The following FAM20A variants were observed in gnomAD, a reference collection of about 807,000 sequenced individuals.
FAM20A encodes FAM20A golgi associated secretory pathway pseudokinase.
FAM20A carries 42 observed loss-of-function variants against 52.0 expected under a neutral mutation model. The ratio of observed to expected loss-of-function variants is 0.81; its 90% CI spans 0.63 to 1.04. The LOEUF is 1.04. Ranked by LOEUF, FAM20A falls within the 50% of genes least tolerant of loss-of-function variation. The probability of loss-of-function intolerance (pLI) is 0.00; values close to 1 mark genes in which losing one functional copy is unlikely to be tolerated. For missense variants in FAM20A, 742 were observed against 712.7 expected (o/e 1.04, Z -0.47); for synonymous variants, 304 against 298.9 (o/e 1.02, Z -0.18).
intron 3 of FAM20A, among the ~76,000 whole-genome samples, chr17:68,552,161 C>T (rs1247569761): frequency 1.3e-5 from 2 of 151,788 alleles, no homozygotes; most frequent in African/African-American, 4.8e-5. Flanking sequence ...GTACTTTTTA[C>T]TTTGGGAGGT....
chr17:68,537,327 G>A lies in FAM20A; in HGVS notation c.*150C>T. ...AAGGAGTAAAGATTCAGTTCCATGG[G>A]CCCCACTTGCTGTTTGAGAAAATGT... On this transcript the variant is annotated 3_prime_UTR_variant, in exon 11 of 11. Coordinates refer to ENST00000592554, the MANE Select transcript of FAM20A (RefSeq NM_017565.4). The surrounding 1 kb of genome is among the most constrained non-coding windows in gnomAD (Gnocchi z 4.2). 1.0e-6 allele frequency: 1 copy of A among 958,734 alleles called. No individual in the cohort carries two copies. Among genetic ancestry groups the A allele is most frequent in the Non-Finnish European group, 1.6e-6 (1 of 614,580 alleles). The allele number at this position is 958,734 out of a possible 1,614,324, so 59.4% of individuals were successfully genotyped here.
chr17:68,563,233 A>C (rs776923565), intron 1 of FAM20A, among the ~76,000 whole-genome samples: 3 of 151,930 alleles, frequency 2.0e-5, no homozygotes, highest in Non-Finnish European at 2.9e-5. Flanking sequence ...TAAAAATACA[A>C]AAATTAGCCG....
chr17:68,541,869 C>T, intron 7 of FAM20A, 116 bp downstream of exon 7: 3 of 1,241,934 alleles, frequency 2.4e-6, no homozygotes, highest in East Asian at 4.7e-5. Flanking sequence ...TGAAATGGGG[C>T]AAAGGAGTAT....
Position 68,539,376 on chromosome 17 carries a change from T to G in FAM20A, c.1322A>C (p.Asp441Ala). Residue 441 changes from aspartate (D) to alanine (A), a missense_variant, in exon 10 of 11, where the codon GAT (aspartate) becomes GCT (alanine). By Grantham distance (126) the Asp-to-Ala change is moderately radical. Transcript: ENST00000592554. ...NARGFGRHSH[D>A]EISILSPLSQ... ...GAGAGGCGAGAGGATGGAGATTTCA[T>G]CATGGGAGTGTCGTCCGAACCTAGG... 6.2e-7 allele frequency: 1 copy of G among 1,614,202 alleles called. No individual in the cohort carries two copies. The highest frequency in any genetic ancestry group is 8.5e-7 in the Non-Finnish European group (1 of 1,180,034).
At chr17:68,553,215 C>G (rs949890218) in intron 3 of FAM20A, among the ~76,000 whole-genome samples, 6 of 152,138 alleles carry the variant, frequency 3.9e-5, no homozygotes, top group African/African-American at 1.2e-4. Flanking sequence ...TCCTCTCTCT[C>G]CTGCCACCAT....
chr17:68,554,484 A>G (rs1465995437), intron 3 of FAM20A, among the ~76,000 whole-genome samples: 1 of 152,166 alleles, frequency 6.6e-6, no homozygotes, highest in African/African-American at 2.4e-5. Context: ...TTTTCTTAAG[A>G]TTCAGATTCT....
rs1294183071 is a variant in FAM20A, at chr17:68,537,582, C to A, written c.1521G>T (p.Arg507Ser). 2 of 1,613,506 alleles carry A rather than the reference C, an allele frequency of 1.2e-6. No individual in the cohort carries two copies. Among genetic ancestry groups the A allele is most frequent in the East Asian group, 4.5e-5 (2 of 44,868 alleles). The change falls in exon 11 of 11, where the codon AGG (arginine) becomes AGT (serine). Residue 507 changes from arginine (R) to serine (S), a missense_variant. Coordinates refer to ENST00000592554, the MANE Select transcript of FAM20A (RefSeq NM_017565.4). The surrounding 1 kb of genome is among the most constrained non-coding windows in gnomAD (Gnocchi z 4.2). ...ALDRRLQTIL[R>S]TVEGCIVAHG... ...GGGCCACTATGCACCCCTCCACTGT[C>A]CTTAGGATGGTTTGGAGCCTTCGAT...
At chr17:68,581,504 T>TTTCTTTCTTTCTTTTTCTTTCTTTC (rs1568775135) in intron 1 of FAM20A, among the ~76,000 whole-genome samples, 4 of 83,946 alleles carry the variant, frequency 4.8e-5, no homozygotes, top group Non-Finnish European at 6.5e-5. Context: ...TTCTTTCTTC[T>TTTCTTTCTTTCTTTTTCTTTCTTTC]TTCTCTTTCT....
At chr17:68,556,776 A>T (rs1025687099) in intron 1 of FAM20A, among the ~76,000 whole-genome samples, 2 of 152,080 alleles carry the variant, frequency 1.3e-5, no homozygotes, top group Admixed American at 1.3e-4. Flanking sequence ...TCTGGCTGGG[A>T]AAAGCTGATT....
At chr17:68,563,266 A>T (rs1342623403) in intron 1 of FAM20A, among the ~76,000 whole-genome samples, 4 of 151,874 alleles carry the variant, frequency 2.6e-5, no homozygotes, top group Admixed American at 2.6e-4. Flanking sequence ...GGCGCCTGTA[A>T]TCCCAGCTAC....
intron 1 of FAM20A, among the ~76,000 whole-genome samples, chr17:68,591,418 C>A (rs898623440): frequency 1.6e-4 from 24 of 152,212 alleles, no homozygotes; most frequent in African/African-American, 4.6e-4. Flanking sequence ...CTTTTTAATG[C>A]TGTGAGGGCA....
chr17:68,554,321 G>A (rs1237743244), intron 3 of FAM20A, among the ~76,000 whole-genome samples: 1 of 151,992 alleles, frequency 6.6e-6, no homozygotes, highest in African/African-American at 2.4e-5. Flanking sequence ...GGCTGGTCTC[G>A]AACTCCTGAC....
intron 1 of FAM20A, among the ~76,000 whole-genome samples, chr17:68,570,028 C>CAAG (rs2087495547): frequency 6.6e-6 from 1 of 152,212 alleles, no homozygotes; most frequent in African/African-American, 2.4e-5. Flanking sequence ...TCTGTTTCTG[C>CAAG]TTAACCCTTG....
At chr17:68,596,932 C>T (rs1434393870) in intron 1 of FAM20A, among the ~76,000 whole-genome samples, 4 of 152,160 alleles carry the variant, frequency 2.6e-5, no homozygotes, top group African/African-American at 9.7e-5. Flanking sequence ...GCTTCAGGGC[C>T]AGATAGCACA....
chr17:68,567,901 T>C (rs1192954897), intron 1 of FAM20A, among the ~76,000 whole-genome samples: 3 of 151,962 alleles, frequency 2.0e-5, no homozygotes, highest in African/African-American at 4.9e-5. Context: ...CCTGCCACCT[T>C]GTGAAGAAGG....
chr17:68,590,930 GC>G (rs11357976), intron 1 of FAM20A, among the ~76,000 whole-genome samples: 74,624 of 151,836 alleles, frequency 0.49, 18,651 homozygotes, highest in East Asian at 0.53. Context: ...CCCAGACCTG[GC>G]CCAATGAGCA....
intron 1 of FAM20A, among the ~76,000 whole-genome samples, chr17:68,581,281 C>T (rs2087937671): frequency 1.3e-5 from 2 of 152,132 alleles, no homozygotes; most frequent in Non-Finnish European, 2.9e-5. Flanking sequence ...CAGGCTCAGA[C>T]ATGAAATAAA....
At chr17:68,560,195 G>T (rs1335658897) in intron 1 of FAM20A, among the ~76,000 whole-genome samples, 1 of 152,074 alleles carries the variant, frequency 6.6e-6, no homozygotes, top group African/African-American at 2.4e-5. Flanking sequence ...GCCTGCCAAA[G>T]TGCTGGGGTT....
At chr17:68,578,866 A>T (rs199893094) in intron 1 of FAM20A, among the ~76,000 whole-genome samples, 5 of 208 alleles carry the variant, frequency 0.024, 1 homozygote, top group South Asian at 0.071. Context: ...AAAAAAAAAA[A>T]TTACTGGGCG....
Sources: allele counts gnomAD v4.1 joint callset (sites outside exome capture counted in the v4.1 genomes callset), GRCh38; gene constraint gnomAD v4.1.1; non-coding constraint Gnocchi (gnomAD v3.1); transcripts MANE v1.5; gene names NCBI Gene and HGNC (gene_info 2026-07-23, HGNC 2026-07-21).